FAM171B: variants seen among roughly 807,000 people sequenced by gnomAD.
FAM171B encodes protein FAM171B.
FAM171B carries 19 observed loss-of-function variants against 75.6 expected under a neutral mutation model. The observed-to-expected ratio is 0.25, with a 90% CI of 0.18 to 0.37. The LOEUF is 0.37. Ranked by LOEUF, FAM171B falls within the 10% of genes least tolerant of loss-of-function variation. The pLI is 1.00. For synonymous variants in FAM171B, 367 were observed against 361.7 expected (o/e 1.01, Z -0.17); for missense variants, 848 against 982.4 (o/e 0.86, Z 1.83).
intron 1 of FAM171B, among the ~76,000 whole-genome samples, chr2:186,738,517 G>A (rs1209120225): frequency 6.6e-6 from 1 of 151,988 alleles, no homozygotes; most frequent in African/African-American, 2.4e-5. Context: ...TTGGTTAAAA[G>A]GCATCATCCA....
intron 1 of FAM171B, among the ~76,000 whole-genome samples, chr2:186,725,993 C>T (rs1167027261): frequency 1.3e-5 from 2 of 152,168 alleles, no homozygotes; most frequent in Non-Finnish European, 2.9e-5. Context: ...AATGGCTCAG[C>T]TCTCTCATTT....
chr2:186,738,626 A>G (rs574052323), intron 1 of FAM171B, among the ~76,000 whole-genome samples: 1 of 152,274 alleles, frequency 6.6e-6, no homozygotes, highest in East Asian at 1.9e-4. Flanking sequence ...TTTAGGTTTC[A>G]GGCTTTCTTT....
At chr2:186,736,567 G>GTGTGTGTGTGTGTGTGGGA (rs55683607) in intron 1 of FAM171B, among the ~76,000 whole-genome samples, 12 of 104,626 alleles carry the variant, frequency 1.1e-4, no homozygotes, top group South Asian at 3.5e-4. Context: ...TGTGTGTGTG[G>GTGTGTGTGTGTGTGTGGGA]GAGAGAGAGA....
intron 1 of FAM171B, among the ~76,000 whole-genome samples, chr2:186,739,902 G>A (rs10195294): frequency 0.01 from 1,586 of 152,210 alleles, 28 homozygotes; most frequent in African/African-American, 0.036. Flanking sequence ...CCATTAACAC[G>A]TGAGTAACAC....
intron 3 of FAM171B, 30 bp downstream of exon 3, chr2:186,743,605 A>G: frequency 7.2e-7 from 1 of 1,385,056 alleles, no homozygotes; most frequent in Non-Finnish European, 1.0e-6. Context: ...CTAAGTAAAC[A>G]CTTAAAGTTA....
chr2:186,695,363 C>G (rs1282111727), intron 1 of FAM171B: 1 of 152,252 alleles, frequency 6.6e-6, no homozygotes, highest in South Asian at 2.1e-4. Context: ...GCTGTAGATT[C>G]TTGTCTGCTA....
chr2:186,740,097 T>G (rs1463763964), intron 1 of FAM171B, 131 bp from the exon 2 acceptor site: 32 of 612,266 alleles, frequency 5.2e-5, no homozygotes, highest in Non-Finnish European at 8.2e-5. Flanking sequence ...TTATTATATG[T>G]ATTTATGTGT....
At chr2:186,749,785 A>T (rs1027657152) in intron 4 of FAM171B, among the ~76,000 whole-genome samples, 1 of 151,996 alleles carries the variant, frequency 6.6e-6, no homozygotes, top group Non-Finnish European at 1.5e-5. Context: ...GGACTTGTTT[A>T]TTCTGCCTGG....
intron 1 of FAM171B, among the ~76,000 whole-genome samples, chr2:186,725,323 G>C (rs1169910742): frequency 1.4e-5 from 2 of 146,068 alleles, no homozygotes; most frequent in African/African-American, 5.1e-5. Flanking sequence ...CAACCTGGGC[G>C]ACAGAGCGAG....
intron 1 of FAM171B, among the ~76,000 whole-genome samples, chr2:186,698,588 A>G (rs906337370): frequency 2.0e-5 from 3 of 152,200 alleles, no homozygotes; most frequent in African/African-American, 4.8e-5. Context: ...CAGGCATAAA[A>G]TGTATAATTA....
In FAM171B at chr2:186,753,875, C is replaced by A. The variant is rs1690492887; in HGVS notation, c.896-58C>A. 11 of 1,306,074 alleles carry A rather than the reference C, an allele frequency of 8.4e-6. No homozygotes were observed. The South Asian group carries it at 9.5e-5, about 11-fold the overall frequency. 80.9% of individuals were successfully genotyped at this position (1,306,074 alleles called of 1,614,324 possible). On this transcript the variant is annotated intron_variant, in intron 5 of 7. Coordinates refer to ENST00000304698, the MANE Select transcript of FAM171B (RefSeq NM_177454.4). ...AAAAAGTCCCATAATGTATTCTGTG[C>A]ATGACCATCAGTTCTTAAGATATAA...
chr2:186,758,526 C>CCTAT (rs1410346690), intron 6 of FAM171B, among the ~76,000 whole-genome samples: 8 of 152,066 alleles, frequency 5.3e-5, no homozygotes, highest in South Asian at 2.1e-4. Flanking sequence ...CTCTTCTTAC[C>CCTAT]CTATCTCCCT....
Position 186,740,402 on chromosome 2 carries a change from T to C in FAM171B, c.413T>C (p.Ile138Thr). ...AAATTAGGACTTAGTTTAACTATTA[T>C]TGCTTACAAAGATGGCTACGTGTTG... The part of the protein sequence containing the change: ...PYKLGLSLTI[I>T]AYKDGYVLTP... The change falls in exon 2 of 8, where the codon ATT (isoleucine) becomes ACT (threonine). Residue 138 changes from isoleucine to threonine, a missense_variant. Physicochemically the swap from Ile to Thr is moderately conservative, Grantham distance 89. Coordinates refer to ENST00000304698, the MANE Select transcript of FAM171B (RefSeq NM_177454.4). 6.2e-7 allele frequency: 1 copy of C among 1,614,082 alleles called. No individual in the cohort carries two copies. The highest frequency in any genetic ancestry group is 8.5e-7 in the Non-Finnish European group (1 of 1,179,942).
chr2:186,747,774 A>G (rs1690387342), intron 4 of FAM171B, among the ~76,000 whole-genome samples: 1 of 150,890 alleles, frequency 6.6e-6, no homozygotes, highest in African/African-American at 2.5e-5. Context: ...CAGCACTCAT[A>G]TATTTCTATA....
At chr2:186,694,702 C>G (rs1366205173) in intron 1 of FAM171B, among the ~76,000 whole-genome samples, 1 of 149,496 alleles carries the variant, frequency 6.7e-6, no homozygotes, top group Admixed American at 6.7e-5. Context: ...TTTTTCTTTT[C>G]CCTCCCTTCT....
intron 6 of FAM171B, among the ~76,000 whole-genome samples, chr2:186,757,021 T>C (rs992740659): frequency 1.3e-5 from 2 of 152,138 alleles, no homozygotes; most frequent in Non-Finnish European, 2.9e-5. Flanking sequence ...TTCTGGCCCA[T>C]GGATGTGTTC....
chr2:186,725,077 G>T (rs894139969), intron 1 of FAM171B, among the ~76,000 whole-genome samples: 1 of 152,118 alleles, frequency 6.6e-6, no homozygotes, highest in African/African-American at 2.4e-5. Context: ...AGGCGCGATG[G>T]CTCACGCCTG....
intron 1 of FAM171B, among the ~76,000 whole-genome samples, chr2:186,724,276 G>A (rs1433367247): frequency 6.6e-6 from 1 of 152,112 alleles, no homozygotes; most frequent in Non-Finnish European, 1.5e-5. Context: ...GTTCCAGCTT[G>A]TCAAGACTTC....
At chr2:186,742,087 TA>T (rs1690297370) in intron 2 of FAM171B, among the ~76,000 whole-genome samples, 1 of 152,106 alleles carries the variant, frequency 6.6e-6, no homozygotes, top group Non-Finnish European at 1.5e-5. Context: ...TTCACTATTT[TA>T]AAAAATCACA....
Sources: gnomAD v4.1 joint callset for allele counts (sites outside exome capture counted in the v4.1 genomes callset) on GRCh38, gnomAD v4.1.1 for gene constraint, MANE v1.5 for transcripts, NCBI Gene and HGNC (gene_info 2026-07-23, HGNC 2026-07-21) for gene names.